MARK1: variants seen among roughly 807,000 people sequenced by gnomAD.
MARK1 encodes the protein microtubule affinity regulating kinase 1, also known as serine/threonine-protein kinase MARK1.
Under a neutral mutation model 96.3 loss-of-function variants are expected in MARK1, and 40 were observed. That is an observed-to-expected ratio of 0.42 (90% CI 0.32 to 0.54). The LOEUF (loss-of-function observed/expected upper bound fraction) is 0.54, where lower values mean the gene tolerates loss of function less well. Ranked by LOEUF, MARK1 falls within the 20% of genes least tolerant of loss-of-function variation. The probability of loss-of-function intolerance (pLI) is 0.16; values close to 1 mark genes in which losing one functional copy is unlikely to be tolerated. For synonymous variants in MARK1, 317 were observed against 341.2 expected, an observed-to-expected ratio of 0.93 and a Z score of 0.78; for missense variants, 719 against 984.6, an observed-to-expected ratio of 0.73 and a Z score of 3.61.
At chr1:220,588,320 C>T (rs75987736) in intron 3 of MARK1, among the ~76,000 whole-genome samples, 1,972 of 152,254 alleles carry the variant, frequency 0.013, 23 homozygotes, top group Middle Eastern at 0.037. Flanking sequence ...AATTATAAGA[C>T]TTATAATCTT....
Position 220,528,864 on chromosome 1 carries a change from C to T in MARK1, c.42C>T (p.Asp14=). The change falls in exon 1 of 18, where the codon GAC becomes GAT. Residue 14 remains aspartate, a synonymous_variant. Coordinates refer to ENST00000366917, the MANE Select transcript of MARK1 (RefSeq NM_018650.5). Reference sequence around the variant, plus strand: ...CATTGCCGACGGTGAACGAGCGGGACACGGAAAATGTGAGTAACCGGAGCC... The same window carrying T: ...CATTGCCGACGGTGAACGAGCGGGATACGGAAAATGTGAGTAACCGGAGCC... ...RTPLPTVNER[D]TENHTSVDGY... 6.4e-7 allele frequency: 1 copy of T among 1,571,180 alleles called. No individual in the cohort carries two copies.
chr1:220,593,391 C>T (rs971426022), intron 3 of MARK1, among the ~76,000 whole-genome samples: 7 of 151,828 alleles, frequency 4.6e-5, no homozygotes, highest in African/African-American at 1.2e-4. Flanking sequence ...AATAAGCTAC[C>T]GTATTTGACT....
chr1:220,638,551 A>G (rs1372487398), intron 13 of MARK1, among the ~76,000 whole-genome samples: 1 of 152,204 alleles, frequency 6.6e-6, no homozygotes, highest in East Asian at 1.9e-4. Flanking sequence ...TTGTATATTG[A>G]CACAGCAGCT....
rs1022128609 is a variant in MARK1, at chr1:220,663,184, CT to C, written c.*1019del. ...CTCCTGCTATCCTCTTCATTCACCC[CT>C]GCCACTGTAATATCTATAAGTACTT... On this transcript the variant is annotated 3_prime_UTR_variant, in exon 18 of 18. Transcript: ENST00000366917. 1 of 152,608 alleles carries C rather than the reference CT, an allele frequency of 6.6e-6. No individual in the cohort carries two copies. Among genetic ancestry groups the C allele is most frequent in the Non-Finnish European group, 1.5e-5 (1 of 68,030 alleles). 9.5% of individuals were successfully genotyped at this position (152,608 alleles called of 1,614,324 possible).
chr1:220,636,116 A>G (rs536051363), intron 13 of MARK1, 90 bp downstream of exon 13: 1 of 906,308 alleles, frequency 1.1e-6, no homozygotes, highest in East Asian at 2.9e-5. Context: ...TTTTTAAATG[A>G]TTGAAAAATT....
rs1475968769 is a variant in MARK1, at chr1:220,566,809, C to CTGA, written c.52-12544_52-12542dup. Among the ~76,000 whole-genome samples the CTGA allele has an allele frequency of 2.8e-4, 43 of 152,166 alleles. 1 individual carries two copies. Among genetic ancestry groups the CTGA allele is most frequent in the African/African-American group, 9.4e-4 (39 of 41,544 alleles). On this transcript the variant is annotated intron_variant, in intron 1 of 17. Coordinates refer to ENST00000366917, the MANE Select transcript of MARK1 (RefSeq NM_018650.5). ...AATAGCAGCCATCATTTACTCAACA[C>CTGA]TGACAACATCTTCTGTGTTGAATGC...
At chr1:220,553,706 A>G (rs772435901) in intron 1 of MARK1, among the ~76,000 whole-genome samples, 44 of 152,158 alleles carry the variant, frequency 2.9e-4, no homozygotes, top group Admixed American at 1.3e-4. Flanking sequence ...AGTGTTTACT[A>G]GAGTTCGGTA....
intron 9 of MARK1, chr1:220,626,953 A>G: frequency 2.0e-6 from 1 of 505,732 alleles, no homozygotes; most frequent in Non-Finnish European, 3.9e-6. Flanking sequence ...CATATGAGAC[A>G]GGTGTGGCCC....
At chr1:220,553,799 C>G (rs1662048008) in intron 1 of MARK1, among the ~76,000 whole-genome samples, 1 of 152,162 alleles carries the variant, frequency 6.6e-6, no homozygotes, top group Non-Finnish European at 1.5e-5. Flanking sequence ...TGAAGATCTA[C>G]ACTGTGGTTC....
chr1:220,638,398 T>C (rs1382058870), intron 13 of MARK1, among the ~76,000 whole-genome samples: 1 of 152,222 alleles, frequency 6.6e-6, no homozygotes, highest in Non-Finnish European at 1.5e-5. Context: ...CTGGACAGAA[T>C]CTTTTATGGC....
At chr1:220,640,994 TC>T (rs1384517957) in intron 13 of MARK1, among the ~76,000 whole-genome samples, 3 of 152,180 alleles carry the variant, frequency 2.0e-5, no homozygotes, top group Non-Finnish European at 4.4e-5. Flanking sequence ...CTTAATATTT[TC>T]CTTCTAGAAA....
chr1:220,647,685 C>T lies in MARK1; in HGVS notation c.1471-2935C>T, dbSNP rs375104761. Among the ~76,000 whole-genome samples, 7 of 152,164 alleles carry T rather than the reference C, an allele frequency of 4.6e-5. No individual in the cohort carries two copies. The East Asian group carries it at 9.7e-4, about 21-fold the overall frequency. On this transcript the variant is annotated intron_variant, in intron 13 of 17. Transcript: ENST00000366917. ...TAGACTGGGTAAAGAAAATGTGGTA[C>T]GTATACACCACAGACTACTATGCAG...
intron 6 of MARK1, among the ~76,000 whole-genome samples, chr1:220,609,160 G>A (rs1353613001): frequency 6.6e-6 from 1 of 152,160 alleles, no homozygotes; most frequent in Non-Finnish European, 1.5e-5. Context: ...GGGTGTTAAA[G>A]TCTCCCATTA....
At chr1:220,622,433 T>C (rs1033837287) in intron 9 of MARK1, among the ~76,000 whole-genome samples, 2 of 152,244 alleles carry the variant, frequency 1.3e-5, no homozygotes, top group African/African-American at 4.8e-5. Flanking sequence ...ATCTTTACAG[T>C]CTTGTTTATG....
At chr1:220,650,523 T>C in intron 13 of MARK1, 97 bp from the exon 14 acceptor site, 1 of 710,836 alleles carries the variant, frequency 1.4e-6, no homozygotes, top group Non-Finnish European at 2.5e-6. Flanking sequence ...TCAATTAAAA[T>C]TCTGTGGATT....
Position 220,653,227 on chromosome 1 carries a change from G to C in MARK1, c.1863G>C (p.Glu621Asp). Residue 621 changes from glutamate to aspartate, a missense_variant, in exon 16 of 18, where the codon GAG (glutamate) becomes GAC (aspartate). This residue lies in a region of MARK1 where 501 missense variants were observed against 588.3 expected (regional missense o/e 0.85). Coordinates refer to ENST00000366917, the MANE Select transcript of MARK1 (RefSeq NM_018650.5). ...RSTFHGEQLRERRSVAYNGPP... is the reference protein window; with the variant it reads ...RSTFHGEQLRDRRSVAYNGPP... ...CTTTCCATGGTGAACAGCTCCGGGA[G>C]CGACGCAGCGTTGCTTATAATGGGC... 6.2e-7 allele frequency: 1 copy of C among 1,614,224 alleles called. No individual in the cohort carries two copies. The highest frequency in any genetic ancestry group is 1.7e-5 in the Admixed American group (1 of 60,022).
In MARK1 at chr1:220,618,993, A is replaced by T. The variant is rs1283950063; in HGVS notation, c.909+238A>T. Among the ~76,000 whole-genome samples the T allele has an allele frequency of 2.6e-5, 4 of 152,210 alleles. No individual in the cohort carries two copies. The highest frequency in any genetic ancestry group is 9.7e-5 in the African/African-American group (4 of 41,438). Reference sequence around the variant, plus strand: ...CAGTGCCGTATTAAATAAAAACAACACAAAAATAGAGGTTGACTTTTAGTT... The same window carrying T: ...CAGTGCCGTATTAAATAAAAACAACTCAAAAATAGAGGTTGACTTTTAGTT... On this transcript the variant is annotated intron_variant, in intron 9 of 17. Coordinates refer to ENST00000366917, the MANE Select transcript of MARK1 (RefSeq NM_018650.5). The surrounding 1 kb of genome is among the most constrained non-coding windows in gnomAD (Gnocchi z 4.6).
At chr1:220,620,003 T>C (rs1420221311) in intron 9 of MARK1, among the ~76,000 whole-genome samples, 1 of 152,200 alleles carries the variant, frequency 6.6e-6, no homozygotes, top group Non-Finnish European at 1.5e-5. Context: ...CTCAGGTTAG[T>C]GTGGGCTTTG....
intron 1 of MARK1, among the ~76,000 whole-genome samples, chr1:220,563,535 T>C (rs1299314068): frequency 6.6e-6 from 1 of 152,192 alleles, no homozygotes; most frequent in African/African-American, 2.4e-5. Flanking sequence ...TCTATCATTT[T>C]AGATAGTAGT....
Sources: gnomAD v4.1 joint callset for allele counts (sites outside exome capture counted in the v4.1 genomes callset) on GRCh38, gnomAD v4.1.1 for gene constraint, gnomAD v4.1.1 regional missense constraint, Gnocchi (gnomAD v3.1) non-coding constraint, MANE v1.5 for transcripts, NCBI Gene and HGNC (gene_info 2026-07-23, HGNC 2026-07-21) for gene names.